FBXL17: variants seen among roughly 807,000 people sequenced by gnomAD.
FBXL17 encodes the protein F-box and leucine rich repeat protein 17, also known as F-box/LRR-repeat protein 17.
A neutral mutation model predicts 66.2 loss-of-function variants in FBXL17; 22 were observed. The observed-to-expected ratio is 0.33, with a 90% CI of 0.24 to 0.47. The LOEUF (loss-of-function observed/expected upper bound fraction) is 0.47, where lower values mean the gene tolerates loss of function less well. Among genes scored for constraint, FBXL17 ranks in the 20% least tolerant of loss-of-function variants. FBXL17 has a pLI of 1.00. For synonymous variants in FBXL17, 474 were observed against 400.5 expected (o/e 1.18, Z -2.19); for missense variants, 878 against 948.2 (o/e 0.93, Z 0.97).
intron 6 of FBXL17, among the ~76,000 whole-genome samples, chr5:108,176,115 T>C (rs1450430799): frequency 6.6e-6 from 1 of 152,210 alleles, no homozygotes; most frequent in Non-Finnish European, 1.5e-5. Context: ...ATCATTTTCA[T>C]CAATAAATGA....
At chr5:108,143,069 CCTT>C (rs1225800358) in intron 6 of FBXL17, among the ~76,000 whole-genome samples, 3 of 151,510 alleles carry the variant, frequency 2.0e-5, no homozygotes, top group Non-Finnish European at 2.9e-5. Context: ...GTTGCATGCC[CCTT>C]ATAAGAACTT....
chr5:108,367,789 TGAGTAGG>T, intron 2 of FBXL17, 35 bp downstream of exon 2: 1 of 1,488,338 alleles, frequency 6.7e-7, no homozygotes, highest in Admixed American at 2.4e-5. Flanking sequence ...AGATATTTTT[TGAGTAGG>T]TCATATGAGT....
intron 6 of FBXL17, among the ~76,000 whole-genome samples, chr5:108,136,501 T>G (rs1479846382): frequency 6.6e-6 from 1 of 152,162 alleles, no homozygotes; most frequent in Non-Finnish European, 1.5e-5. Context: ...CTAGTTTTTC[T>G]TGCTCAGTCA....
At chr5:108,104,335 C>T (rs1043986401) in intron 6 of FBXL17, among the ~76,000 whole-genome samples, 2 of 152,164 alleles carry the variant, frequency 1.3e-5, no homozygotes, top group African/African-American at 4.8e-5. Flanking sequence ...CCGTGCCCAG[C>T]CCTGCAAACA....
chr5:108,311,471 C>A (rs1474205142), intron 4 of FBXL17, among the ~76,000 whole-genome samples: 1 of 152,114 alleles, frequency 6.6e-6, no homozygotes, highest in Non-Finnish European at 1.5e-5. Context: ...CACACCCGGC[C>A]TTCTTACATA....
At chr5:108,273,668 T>C (rs1454984837) in intron 4 of FBXL17, among the ~76,000 whole-genome samples, 2 of 151,786 alleles carry the variant, frequency 1.3e-5, no homozygotes, top group African/African-American at 4.8e-5. Flanking sequence ...TTCACTTCTA[T>C]GAAATAACAC....
intron 7 of FBXL17, among the ~76,000 whole-genome samples, chr5:108,018,978 A>G (rs546525834): frequency 2.5e-4 from 38 of 152,302 alleles, no homozygotes; most frequent in African/African-American, 8.9e-4. Context: ...CTGAACTAAA[A>G]TAATTCAGAG....
intron 7 of FBXL17, among the ~76,000 whole-genome samples, chr5:107,916,417 C>T (rs919210690): frequency 1.3e-5 from 2 of 152,138 alleles, no homozygotes; most frequent in Non-Finnish European, 2.9e-5. Context: ...ACTCTAATGT[C>T]TTTTCTGACA....
At chr5:108,171,979 CTT>C (rs1440340807) in intron 6 of FBXL17, among the ~76,000 whole-genome samples, 1 of 152,188 alleles carries the variant, frequency 6.6e-6, no homozygotes, top group Non-Finnish European at 1.5e-5. Flanking sequence ...TAAGACGTGA[CTT>C]GCTCCTCCTT....
At chr5:108,102,498 C>T (rs936664156) in intron 6 of FBXL17, among the ~76,000 whole-genome samples, 1 of 151,998 alleles carries the variant, frequency 6.6e-6, no homozygotes, top group African/African-American at 2.4e-5. Context: ...TGTGAGATAC[C>T]GATTCCTTAT....
At chr5:108,368,912 A>AT (rs1364858402) in intron 1 of FBXL17, among the ~76,000 whole-genome samples, 24 of 59,128 alleles carry the variant, frequency 4.1e-4, no homozygotes, top group Admixed American at 3.6e-3. Flanking sequence ...AGCTACAAGG[A>AT]TTTAAAAAAA....
chr5:108,094,799 C>T (rs558651264), intron 6 of FBXL17, among the ~76,000 whole-genome samples: 2 of 150,792 alleles, frequency 1.3e-5, no homozygotes, highest in Non-Finnish European at 2.9e-5. Context: ...CTCATGGAGG[C>T]TGAAGCAAAA....
chr5:107,985,228 T>G (rs1752972640), intron 7 of FBXL17, among the ~76,000 whole-genome samples: 1 of 152,232 alleles, frequency 6.6e-6, no homozygotes, highest in Non-Finnish European at 1.5e-5. Context: ...GATAAACTCC[T>G]GTGACCAAAT....
At chr5:107,960,096 T>G (rs1179411514) in intron 7 of FBXL17, among the ~76,000 whole-genome samples, 1 of 152,158 alleles carries the variant, frequency 6.6e-6, no homozygotes, top group Admixed American at 6.6e-5. Context: ...TACTATTGGT[T>G]CTCAGTTCCT....
chr5:108,299,591 T>C (rs1036200639), intron 4 of FBXL17: 6 of 973,628 alleles, frequency 6.2e-6, no homozygotes, highest in Non-Finnish European at 7.3e-6. Context: ...CGTTTTACTT[T>C]CCAATAAATT....
chr5:108,009,084 G>A (rs1754045184), intron 7 of FBXL17, among the ~76,000 whole-genome samples: 1 of 149,182 alleles, frequency 6.7e-6, no homozygotes, highest in South Asian at 2.1e-4. Flanking sequence ...TACATAGCTA[G>A]TTTTCCACAC....
chr5:108,314,691 A>G (rs1290470153), intron 4 of FBXL17, among the ~76,000 whole-genome samples: 1 of 151,584 alleles, frequency 6.6e-6, no homozygotes, highest in Non-Finnish European at 1.5e-5. Context: ...ACTACTTCTA[A>G]GAGTGATGAT....
chr5:107,962,489 A>T lies in FBXL17; in HGVS notation c.1822+58436T>A, dbSNP rs754925497. Among the ~76,000 whole-genome samples, 3 of 152,168 alleles carry T rather than the reference A, an allele frequency of 2.0e-5. No homozygotes were observed. The South Asian group carries it at 6.2e-4, about 32-fold the overall frequency. On this transcript the variant is annotated intron_variant, in intron 7 of 8. Transcript: ENST00000542267. ...TTTTTTCATTTTAAAGATGACAAATACATATTACTGGGATAGAAAATACCA... is the reference window on the plus strand; with the variant it reads ...TTTTTTCATTTTAAAGATGACAAATTCATATTACTGGGATAGAAAATACCA...
chr5:108,055,375 G>A (rs964315383), intron 6 of FBXL17, among the ~76,000 whole-genome samples: 5 of 147,850 alleles, frequency 3.4e-5, no homozygotes, highest in East Asian at 2.0e-4. Flanking sequence ...TTGAGAGGCC[G>A]AGGCGGGCGG....
Sources: allele counts gnomAD v4.1 joint callset (sites outside exome capture counted in the v4.1 genomes callset), GRCh38; gene constraint gnomAD v4.1.1; transcripts MANE v1.5; gene names NCBI Gene and HGNC (gene_info 2026-07-23, HGNC 2026-07-21).